The following NVL variants were observed in gnomAD, a reference collection of about 807,000 sequenced individuals.
The protein encoded by NVL is nuclear valosin-containing protein-like.
NVL carries 84 observed loss-of-function variants against 110.2 expected under a neutral mutation model. That is an observed-to-expected ratio of 0.76 (90% CI 0.64 to 0.91). The LOEUF is 0.91. Ranked by LOEUF, NVL falls within the 40% of genes least tolerant of loss-of-function variation. The pLI is 0.00. For missense variants in NVL, 882 were observed against 1,035.9 expected, an observed-to-expected ratio of 0.85 and a Z score of 2.04; for synonymous variants, 354 against 361.1, an observed-to-expected ratio of 0.98 and a Z score of 0.22.
chr1:224,233,298 A>G lies in NVL; in HGVS notation c.2367-9T>C. 6.3e-7 allele frequency: 1 copy of G among 1,591,170 alleles called. No homozygotes were observed. Among genetic ancestry groups the G allele is most frequent in the African/African-American group, 1.4e-5 (1 of 73,802 alleles). ...CAGAGAGATCTGCGCCCCTACAATA[A>G]AATAATAGTTATCTACTTATTCTTA... On this transcript the variant is annotated splice_polypyrimidine_tract_variant and intron_variant, in intron 20 of 22. Transcript: ENST00000281701.
chr1:224,234,126 T>C (rs1660203939), intron 20 of NVL, among the ~76,000 whole-genome samples: 1 of 151,400 alleles, frequency 6.6e-6, no homozygotes, highest in Non-Finnish European at 1.5e-5. Flanking sequence ...AAGTTAAAAC[T>C]GAATGAACAC....
chr1:224,307,924 T>A (rs1669095945), intron 6 of NVL, 67 bp downstream of exon 6: 1 of 1,431,960 alleles, frequency 7.0e-7, no homozygotes, highest in Non-Finnish European at 9.4e-7. Context: ...CTGATTGATA[T>A]TATATTCAAC....
At chr1:224,257,035 CT>C (rs573934358) in intron 18 of NVL, 35 of 524,308 alleles carry the variant, frequency 6.7e-5, no homozygotes, top group East Asian at 1.7e-4. Flanking sequence ...AGACAGAATT[CT>C]TTTTTTTTCC....
At chr1:224,311,685 G>A (rs1669540093) in intron 5 of NVL, 115 bp downstream of exon 5, 7 of 782,182 alleles carry the variant, frequency 8.9e-6, no homozygotes, top group Non-Finnish European at 1.5e-5. Context: ...CTCCCAAAGT[G>A]TTGGGATTAG....
At position 224,233,353 on chromosome 1, in the gene NVL, G is replaced by A. The variant is rs538229332; in HGVS notation, c.2367-64C>T. On this transcript the variant is annotated intron_variant, in intron 20 of 22. Transcript: ENST00000281701. The stretch of plus-strand genomic sequence containing the variant: ...CTGCAAAATCCCAGAAAAAAACCCG[G>A]AAAACAGTTTTCATATAAGTCATAT... 4.5e-4 allele frequency: 587 copies of A among 1,302,874 alleles called. No homozygotes were observed. In the African/African-American group the frequency reaches 7.8e-3, roughly 17 times the overall value. The allele number at this position is 1,302,874 out of a possible 1,614,324, so 80.7% of individuals were successfully genotyped here.
chr1:224,280,691 G>A (rs192814170), intron 16 of NVL, among the ~76,000 whole-genome samples: 203 of 152,244 alleles, frequency 1.3e-3, no homozygotes, highest in African/African-American at 4.3e-3. Context: ...TTTTCACAGA[G>A]AGGGACAAAA....
At chr1:224,233,141 A>T (rs2102696046) in intron 21 of NVL, 60 bp downstream of exon 21, 1 of 1,421,498 alleles carries the variant, frequency 7.0e-7, no homozygotes, top group Middle Eastern at 1.8e-4. Flanking sequence ...GTCATTTTCC[A>T]GGGCAACAGT....
chr1:224,284,382 G>GA (rs1666654966), intron 15 of NVL, among the ~76,000 whole-genome samples: 1 of 147,398 alleles, frequency 6.8e-6, no homozygotes, highest in Admixed American at 6.8e-5. Context: ...AAAAAAACTA[G>GA]TTTTTTTTTT....
chr1:224,243,087 T>TTTTA (rs1284930182), intron 19 of NVL, among the ~76,000 whole-genome samples: 8 of 151,910 alleles, frequency 5.3e-5, no homozygotes, highest in Admixed American at 1.3e-4. Context: ...TGGCCAGTAA[T>TTTTA]TTTATTTATT....
rs964123777 is a variant in NVL at position 224,227,595 on chromosome 1, G to C, written c.*31C>G. The C allele has an allele frequency of 6.3e-7, 1 of 1,598,672 alleles. No homozygotes were observed. The highest frequency in any genetic ancestry group is 1.3e-5 in the African/African-American group (1 of 74,548). ...GGGGGATTCTCTGCCGGCTTGATGGGCTAGCTCCTCTAAGCCGGCTGCTGG... is the reference window on the plus strand; with the variant it reads ...GGGGGATTCTCTGCCGGCTTGATGGCCTAGCTCCTCTAAGCCGGCTGCTGG... On this transcript the variant is annotated 3_prime_UTR_variant, in exon 23 of 23. Transcript: ENST00000281701.
At chr1:224,270,561 AAAAC>A (rs201437756) in intron 17 of NVL, among the ~76,000 whole-genome samples, 257 of 152,262 alleles carry the variant, frequency 1.7e-3, no homozygotes, top group African/African-American at 5.3e-3. Context: ...CTCAAAACAG[AAAAC>A]AAACAAACAA....
chr1:224,271,349 T>TGTG (rs1665076265), intron 17 of NVL, among the ~76,000 whole-genome samples: 1 of 151,740 alleles, frequency 6.6e-6, no homozygotes. Context: ...CTTAGCTGGG[T>TGTG]GTGGTGGTGC....
chr1:224,319,636 C>A (rs984976789), intron 2 of NVL, among the ~76,000 whole-genome samples: 2 of 152,044 alleles, frequency 1.3e-5, no homozygotes, highest in Non-Finnish European at 2.9e-5. Context: ...TTTGAAGGAT[C>A]CAGGCCAGCT....
chr1:224,301,813 AAAAAAAAAG>A (rs1668445078), intron 9 of NVL: 1 of 173,082 alleles, frequency 5.8e-6, no homozygotes, highest in Non-Finnish European at 1.3e-5. Flanking sequence ...AAAAAAAAAA[AAAAAAAAAG>A]AGAGAAGAGA....
intron 1 of NVL, among the ~76,000 whole-genome samples, chr1:224,327,301 G>C (rs958154872): frequency 2.0e-5 from 3 of 152,044 alleles, no homozygotes; most frequent in African/African-American, 7.2e-5. Flanking sequence ...AAATTAGCCA[G>C]ACATGGTGGT....
At chr1:224,304,253 T>C (rs369587756) in intron 8 of NVL, among the ~76,000 whole-genome samples, 315 of 152,106 alleles carry the variant, frequency 2.1e-3, no homozygotes, top group African/African-American at 5.9e-3. Flanking sequence ...GGTGAAGCCC[T>C]GTCTCTACTA....
At chr1:224,233,311 C>G (rs1421358360) in intron 20 of NVL, 22 bp from the exon 21 acceptor site, 2 of 1,572,180 alleles carry the variant, frequency 1.3e-6, no homozygotes, top group Non-Finnish European at 1.7e-6. Context: ...TAATAGTTAT[C>G]TACTTATTCT....
rs942085228 is a variant in NVL, at chr1:224,295,960, C to CAAA, written c.1180+538_1180+540dup. Among the ~76,000 whole-genome samples, 285 of 41,778 alleles carry CAAA rather than the reference C, an allele frequency of 6.8e-3. 5 individuals carry two copies. The highest frequency in any genetic ancestry group is 0.024 in the African/African-American group (254 of 10,480). 27.4% of individuals were successfully genotyped at this position (41,778 alleles called of 152,430 possible). A position where few individuals can be genotyped will look rare whatever the true frequency, so the allele number is the denominator to read the frequency against. ...AGCCTAGGCAACAGAGACTCTGTCT[C>CAAA]AAAAAAAAAAAAAAAAAAAAAAAAG... On this transcript the variant is annotated intron_variant, in intron 11 of 22. Transcript: ENST00000281701.
rs1668641322 is a variant in NVL, at chr1:224,303,733, G to C, written c.950C>G (p.Ala317Gly). 1 of 1,612,068 alleles carries C rather than the reference G, an allele frequency of 6.2e-7. No individual in the cohort carries two copies. ...PGCGKTLLAH[A>G]IAGELDLPIL... ...GTCAGCAAGCCTCACCCCAGCAATT[G>C]CATGTGCAAGTAATGTCTTCCCACA... The change falls in exon 9 of 23, where the codon GCA becomes GGA. Residue 317 changes from alanine to glycine, a missense_variant. Ala to Gly is a moderately conservative substitution (Grantham distance 60, BLOSUM62 0). This residue lies in a region of NVL where 416 missense variants were observed against 499.3 expected (regional missense o/e 0.83). Coordinates refer to ENST00000281701, the MANE Select transcript of NVL (RefSeq NM_002533.4).
Sources: gnomAD v4.1 joint callset for allele counts (sites outside exome capture counted in the v4.1 genomes callset) on GRCh38, gnomAD v4.1.1 for gene constraint, gnomAD v4.1.1 regional missense constraint, MANE v1.5 for transcripts, NCBI Gene and HGNC (gene_info 2026-07-23, HGNC 2026-07-21) for gene names.